Variants in GRM1 observed in about 807,000 individuals in gnomAD.
GRM1 encodes the protein glutamate metabotropic receptor 1.
A neutral mutation model predicts 90.9 loss-of-function variants in GRM1; 33 were observed. The observed-to-expected ratio is 0.36, with a 90% CI of 0.28 to 0.49. GRM1 has a LOEUF of 0.49. Among genes scored for constraint, GRM1 ranks in the 20% least tolerant of loss-of-function variants. GRM1 has a pLI of 0.99. For synonymous variants in GRM1, 700 were observed against 613.2 expected (o/e 1.14, Z -2.09); for missense variants, 1,190 against 1,534.3 (o/e 0.78, Z 3.75).
At chr6:146,188,327 T>C (rs1169312642) in intron 2 of GRM1, among the ~76,000 whole-genome samples, 5 of 152,174 alleles carry the variant, frequency 3.3e-5, no homozygotes, top group African/African-American at 1.2e-4. Context: ...TTTAATGCCC[T>C]ATTTTTTGTA....
chr6:146,132,820 C>A (rs1776461478), intron 1 of GRM1, among the ~76,000 whole-genome samples: 1 of 152,202 alleles, frequency 6.6e-6, no homozygotes, highest in African/African-American at 2.4e-5. Flanking sequence ...ACAATCATTC[C>A]TTTGCAGGTC....
intron 1 of GRM1, among the ~76,000 whole-genome samples, chr6:146,112,049 A>G (rs1295998010): frequency 6.6e-6 from 1 of 152,216 alleles, no homozygotes; most frequent in Non-Finnish European, 1.5e-5. Flanking sequence ...GTGTTACCCC[A>G]GTGCACCACT....
chr6:146,246,645 A>T (rs1781068927), intron 2 of GRM1, among the ~76,000 whole-genome samples: 1 of 152,212 alleles, frequency 6.6e-6, no homozygotes, highest in Non-Finnish European at 1.5e-5. Context: ...TTTCTAGAGA[A>T]ATGTGTCATC....
intron 1 of GRM1, among the ~76,000 whole-genome samples, chr6:146,045,806 ACT>A (rs1208837176): frequency 1.3e-5 from 2 of 149,738 alleles, no homozygotes; most frequent in African/African-American, 4.9e-5. Context: ...TTGTGGGTAG[ACT>A]CTACTTATTA....
intron 2 of GRM1, among the ~76,000 whole-genome samples, chr6:146,250,634 A>G (rs112260772): frequency 1.9e-4 from 29 of 152,322 alleles, no homozygotes; most frequent in African/African-American, 6.5e-4. Context: ...ACACTGCTAT[A>G]AAGATACTAC....
intron 2 of GRM1, among the ~76,000 whole-genome samples, chr6:146,207,702 G>C (rs1470802845): frequency 6.6e-6 from 1 of 152,134 alleles, no homozygotes; most frequent in Admixed American, 6.5e-5. Context: ...GCAACTAAAA[G>C]TATAGAAAGA....
intron 2 of GRM1, among the ~76,000 whole-genome samples, chr6:146,226,344 C>T (rs2114690583): frequency 6.6e-6 from 1 of 152,142 alleles, no homozygotes; most frequent in Middle Eastern, 3.4e-3. Flanking sequence ...GATAACAATA[C>T]TGTGAGAAAC....
Position 146,032,258 on chromosome 6 carries a change from T to C in GRM1, c.700+2041T>C, listed in dbSNP as rs559405937. 1.8e-4 allele frequency among the ~76,000 whole-genome samples: 28 copies of C among 152,292 alleles called. No homozygotes were observed. The East Asian group carries it at 4.6e-3, about 25-fold the overall frequency. ...GTAATTGATTCCAGACTACATTGTG[T>C]TCACAGAACAGCATCATAGAAATAT... On this transcript the variant is annotated intron_variant, in intron 1 of 7. Coordinates refer to ENST00000282753, the MANE Select transcript of GRM1 (RefSeq NM_001278064.2).
chr6:146,060,922 G>T (rs1775644700), intron 1 of GRM1, among the ~76,000 whole-genome samples: 7 of 151,986 alleles, frequency 4.6e-5, no homozygotes, highest in Admixed American at 4.6e-4. Flanking sequence ...GTTATTTTTT[G>T]ACTTTTTATA....
intron 2 of GRM1, among the ~76,000 whole-genome samples, chr6:146,217,088 A>C (rs922018167): frequency 6.6e-6 from 1 of 152,212 alleles, no homozygotes; most frequent in Non-Finnish European, 1.5e-5. Context: ...TGTGGGATCT[A>C]TACTTAATTT....
intron 1 of GRM1, among the ~76,000 whole-genome samples, chr6:146,094,307 G>A (rs951079564): frequency 3.9e-5 from 6 of 152,028 alleles, no homozygotes; most frequent in African/African-American, 1.4e-4. Flanking sequence ...CCTGGCTGGG[G>A]AGCCTGTCCC....
intron 2 of GRM1, among the ~76,000 whole-genome samples, chr6:146,233,289 C>T (rs776538781): frequency 6.6e-6 from 1 of 152,062 alleles, no homozygotes; most frequent in Non-Finnish European, 1.5e-5. Context: ...CAGTAGTATG[C>T]TAGGTTCAAC....
intron 3 of GRM1, among the ~76,000 whole-genome samples, chr6:146,324,690 C>T (rs554050238): frequency 1.3e-5 from 2 of 152,030 alleles, no homozygotes; most frequent in Non-Finnish European, 2.9e-5. Flanking sequence ...GTTCCCTGAC[C>T]CTTTGCGCTT....
At chr6:146,054,159 T>C (rs1175299946) in intron 1 of GRM1, among the ~76,000 whole-genome samples, 1 of 152,118 alleles carries the variant, frequency 6.6e-6, no homozygotes, top group Non-Finnish European at 1.5e-5. Context: ...TGTTGGGCTG[T>C]CAGCAATGTG....
At chr6:146,428,599 G>C (rs1562694733) in intron 7 of GRM1, among the ~76,000 whole-genome samples, 1 of 152,160 alleles carries the variant, frequency 6.6e-6, no homozygotes, top group Non-Finnish European at 1.5e-5. Flanking sequence ...ACAAAGTATA[G>C]AAGAAATAAT....
chr6:146,374,802 T>G (rs1036891056), intron 5 of GRM1, among the ~76,000 whole-genome samples: 7 of 152,070 alleles, frequency 4.6e-5, no homozygotes, highest in African/African-American at 1.7e-4. Context: ...CTGTTAACTT[T>G]TCAAAAAACC....
intron 6 of GRM1, among the ~76,000 whole-genome samples, chr6:146,391,032 A>G (rs1776696828): frequency 6.6e-6 from 1 of 152,110 alleles, no homozygotes; most frequent in Non-Finnish European, 1.5e-5. Context: ...AAGCATTTTG[A>G]TGAAGGTTTA....
chr6:146,386,196 C>T (rs1332415369), intron 5 of GRM1, among the ~76,000 whole-genome samples: 2 of 151,948 alleles, frequency 1.3e-5, no homozygotes, highest in Non-Finnish European at 2.9e-5. Context: ...TATTTTTGTA[C>T]TATGGAGTGT....
At chr6:146,396,448 C>G (rs1776938952) in intron 6 of GRM1, among the ~76,000 whole-genome samples, 1 of 152,166 alleles carries the variant, frequency 6.6e-6, no homozygotes, top group Non-Finnish European at 1.5e-5. Flanking sequence ...TGACCTACCA[C>G]TTTTGGCAAA....
Sources: allele counts gnomAD v4.1 joint callset (sites outside exome capture counted in the v4.1 genomes callset), GRCh38; gene constraint gnomAD v4.1.1; transcripts MANE v1.5; gene names NCBI Gene and HGNC (gene_info 2026-07-23, HGNC 2026-07-21).